TENM3: variants seen among roughly 807,000 people sequenced by gnomAD.
TENM3 encodes teneurin-3.
A neutral mutation model predicts 255.1 loss-of-function variants in TENM3; 63 were observed. That is an observed-to-expected ratio of 0.25 (90% CI 0.20 to 0.30). The LOEUF is 0.30. Ranked by LOEUF, TENM3 falls within the 10% of genes least tolerant of loss-of-function variation. The probability of loss-of-function intolerance (pLI) is 1.00; values close to 1 mark genes in which losing one functional copy is unlikely to be tolerated. For missense variants in TENM3, 2,929 were observed against 3,461.1 expected, an observed-to-expected ratio of 0.85 and a Z score of 3.86; for synonymous variants, 1,306 against 1,322.3, an observed-to-expected ratio of 0.99 and a Z score of 0.27.
At chr4:181,606,480 G>T in the TENM3 span, among the ~76,000 whole-genome samples, 1 of 152,098 alleles carries the variant, frequency 6.6e-6, no homozygotes, top group Non-Finnish European at 1.5e-5. Context: ...TACATACTGT[G>T]TGCATGTCTG....
chr4:182,063,864 G>T, the TENM3 span, among the ~76,000 whole-genome samples: 3 of 152,128 alleles, frequency 2.0e-5, no homozygotes, highest in African/African-American at 4.8e-5. Context: ...ACTCTTCCAG[G>T]CCAGAGTATT....
chr4:182,586,146 A>G (rs1746002950), intron 3 of TENM3, among the ~76,000 whole-genome samples: 1 of 152,022 alleles, frequency 6.6e-6, no homozygotes, highest in South Asian at 2.1e-4. Context: ...AGTACCCGCT[A>G]CTCAGGATGG....
chr4:182,520,151 C>T (rs1236231422), intron 3 of TENM3, among the ~76,000 whole-genome samples: 8 of 151,718 alleles, frequency 5.3e-5, no homozygotes, highest in Admixed American at 2.6e-4. Context: ...GAAGGAAGAA[C>T]GAAAATTGTC....
the TENM3 span, among the ~76,000 whole-genome samples, chr4:181,923,212 T>C: frequency 6.6e-6 from 1 of 152,182 alleles, no homozygotes. Flanking sequence ...ATATATTCTG[T>C]TGATTTGGGG....
At chr4:182,281,132 G>A (rs1374685151) in intron 1 of TENM3, among the ~76,000 whole-genome samples, 3 of 152,216 alleles carry the variant, frequency 2.0e-5, no homozygotes, top group East Asian at 1.9e-4. Flanking sequence ...AAGTTGTAAA[G>A]CTATCATTTT....
At chr4:181,588,501 G>T in the TENM3 span, among the ~76,000 whole-genome samples, 17 of 152,218 alleles carry the variant, frequency 1.1e-4, 1 homozygote, top group South Asian at 3.5e-3. Context: ...CGAGGAAGGT[G>T]GTCAACCACT....
intron 3 of TENM3, among the ~76,000 whole-genome samples, chr4:182,363,102 T>G (rs1210636832): frequency 4.6e-5 from 7 of 152,158 alleles, no homozygotes; most frequent in African/African-American, 1.7e-4. Flanking sequence ...TATCCAAAAT[T>G]GACATTTTAC....
At chr4:182,073,818 G>T in the TENM3 span, among the ~76,000 whole-genome samples, 3 of 152,096 alleles carry the variant, frequency 2.0e-5, no homozygotes, top group Non-Finnish European at 4.4e-5. Flanking sequence ...CAGGAAATTT[G>T]GCTCAGGCAT....
the TENM3 span, among the ~76,000 whole-genome samples, chr4:181,459,464 A>G: frequency 1.3e-5 from 2 of 151,820 alleles, no homozygotes; most frequent in Admixed American, 1.3e-4. Flanking sequence ...GTCTTCTAGA[A>G]TTTACATAAT....
chr4:181,692,564 G>A, the TENM3 span, among the ~76,000 whole-genome samples: 2 of 152,214 alleles, frequency 1.3e-5, no homozygotes, highest in South Asian at 4.2e-4. Flanking sequence ...TGCTCTTATT[G>A]GGTATAAACC....
At chr4:181,453,933 C>A in the TENM3 span, among the ~76,000 whole-genome samples, 1 of 152,098 alleles carries the variant, frequency 6.6e-6, no homozygotes, top group Non-Finnish European at 1.5e-5. Flanking sequence ...GTGGTGTATT[C>A]TAGCTAACAA....
intron 12 of TENM3, 92 bp downstream of exon 12, chr4:182,688,443 T>TCCCAG: frequency 1.9e-6 from 2 of 1,026,124 alleles, no homozygotes. Context: ...GCCTATTTCT[T>TCCCAG]TACGTTATTT....
intron 1 of TENM3, among the ~76,000 whole-genome samples, chr4:182,196,676 T>A (rs1169550902): frequency 6.6e-6 from 1 of 152,230 alleles, no homozygotes; most frequent in South Asian, 2.1e-4. Flanking sequence ...TGCTGAAGAT[T>A]CTAGAAGCTC....
At chr4:182,293,582 A>C (rs1761263316) in intron 1 of TENM3, among the ~76,000 whole-genome samples, 1 of 152,198 alleles carries the variant, frequency 6.6e-6, no homozygotes, top group African/African-American at 2.4e-5. Context: ...GAATCCTGAT[A>C]CCTTTAACCA....
At chr4:182,255,137 T>G (rs1238534418) in intron 1 of TENM3, among the ~76,000 whole-genome samples, 1 of 152,134 alleles carries the variant, frequency 6.6e-6, no homozygotes, top group African/African-American at 2.4e-5. Flanking sequence ...GAGCTTAATT[T>G]TTGTGTCATT....
In TENM3 at chr4:182,738,772, G is replaced by A. The variant is rs140477529; in HGVS notation, c.3379+228G>A. Among the ~76,000 whole-genome samples the A allele has an allele frequency of 7.7e-3, 1,173 of 152,152 alleles. 7 individuals are homozygous for A. The highest frequency in any genetic ancestry group is 0.012 in the Admixed American group (186 of 15,274). On this transcript the variant is annotated intron_variant, in intron 18 of 27. Transcript: ENST00000511685. ...ACTTTAAAATGTTCATGAATTGATC[G>A]CCAAAATGATTTTCCCATTAGAATG...
the TENM3 span, among the ~76,000 whole-genome samples, chr4:181,945,914 A>G: frequency 6.6e-6 from 1 of 151,876 alleles, no homozygotes. Flanking sequence ...GTCTGGAGAA[A>G]TATATATACA....
intron 3 of TENM3, among the ~76,000 whole-genome samples, chr4:182,364,855 A>C (rs1027060435): frequency 6.6e-6 from 1 of 152,226 alleles, no homozygotes; most frequent in Non-Finnish European, 1.5e-5. Context: ...TTTCGCTACT[A>C]TAAGTGATTC....
At chr4:181,937,517 T>C in the TENM3 span, among the ~76,000 whole-genome samples, 3 of 152,218 alleles carry the variant, frequency 2.0e-5, no homozygotes, top group African/African-American at 7.2e-5. Context: ...GGAAGGACAT[T>C]GAACAGGACA....
Sources: gnomAD v4.1 joint callset for allele counts (sites outside exome capture counted in the v4.1 genomes callset) on GRCh38, gnomAD v4.1.1 for gene constraint, MANE v1.5 for transcripts, NCBI Gene and HGNC (gene_info 2026-07-23, HGNC 2026-07-21) for gene names.